Variants in GTF2H1 observed in about 807,000 individuals in gnomAD.
GTF2H1 encodes the protein BTF2 p62.
A neutral mutation model predicts 71.2 loss-of-function variants in GTF2H1; 16 were observed. That is an observed-to-expected ratio of 0.22 (90% CI 0.15 to 0.34). The LOEUF is 0.34. Ranked by LOEUF, GTF2H1 falls within the 10% of genes least tolerant of loss-of-function variation. The pLI is 1.00. For synonymous variants in GTF2H1, 215 were observed against 219.0 expected (o/e 0.98, Z 0.16); for missense variants, 498 against 648.2 (o/e 0.77, Z 2.52).
intron 3 of GTF2H1, among the ~76,000 whole-genome samples, chr11:18,336,757 ATT>A (rs10652759): frequency 1.4e-5 from 2 of 145,838 alleles, no homozygotes; most frequent in Admixed American, 6.8e-5. Context: ...AATAATGAGA[ATT>A]TTTTTTTTTT....
At chr11:18,325,784 C>T (rs1004109053) in intron 1 of GTF2H1, among the ~76,000 whole-genome samples, 4 of 152,174 alleles carry the variant, frequency 2.6e-5, no homozygotes, top group African/African-American at 9.6e-5. Flanking sequence ...ACATTTTTAA[C>T]TGCAAATAAA....
Position 18,352,244 on chromosome 11 carries a change from G to A in GTF2H1, c.1143-85G>A, listed in dbSNP as rs77613479. The A allele has an allele frequency of 2.9e-3, 2,059 of 709,588 alleles. 23 individuals are homozygous for A. In the African/African-American group the frequency reaches 0.033, roughly 11 times the overall value. 44.0% of individuals were successfully genotyped at this position (709,588 alleles called of 1,614,324 possible). On this transcript the variant is annotated intron_variant, in intron 10 of 14. Coordinates refer to ENST00000265963, the MANE Select transcript of GTF2H1 (RefSeq NM_005316.4). ...CGTTTCTTGCCTTGAGGGGAACTTA[G>A]TACTGACTGCTAAAATGTTGCAAAG...
intron 11 of GTF2H1, among the ~76,000 whole-genome samples, chr11:18,353,261 A>T (rs746695671): frequency 1.2e-4 from 18 of 152,224 alleles, no homozygotes; most frequent in Non-Finnish European, 2.6e-4. Context: ...TTTAAAAATA[A>T]AAACATGTAT....
rs371236238 is a variant in GTF2H1 at position 18,336,192 on chromosome 11, T to C, written c.347+246T>C. Among the ~76,000 whole-genome samples, 14 of 152,124 alleles carry C rather than the reference T, an allele frequency of 9.2e-5. No homozygotes were observed. In the South Asian group the frequency reaches 2.9e-3, roughly 32 times the overall value. ...CCTAGGCTGGAGTGCAGTGGCACAATCTTGGCTCGCTGCAACCTCCACCTC... is the reference window on the plus strand; with the variant it reads ...CCTAGGCTGGAGTGCAGTGGCACAACCTTGGCTCGCTGCAACCTCCACCTC... On this transcript the variant is annotated intron_variant, in intron 3 of 14. Coordinates refer to ENST00000265963, the MANE Select transcript of GTF2H1 (RefSeq NM_005316.4).
intron 1 of GTF2H1, chr11:18,325,850 GTAAA>G (rs1864751172): frequency 6.6e-6 from 1 of 152,154 alleles, no homozygotes. Context: ...CATTTCATAA[GTAAA>G]TAGTCTTTTA....
At position 18,352,313 on chromosome 11, in the gene GTF2H1, C is replaced by T; in HGVS notation, c.1143-16C>T. On this transcript the variant is annotated splice_polypyrimidine_tract_variant and intron_variant, in intron 10 of 14. Coordinates refer to ENST00000265963, the MANE Select transcript of GTF2H1 (RefSeq NM_005316.4). ...TACTGTGTGTGATTAGTAATTTCTTCTGTGCTAACCTGCAGGTATTATCAT... is the reference window on the plus strand; with the variant it reads ...TACTGTGTGTGATTAGTAATTTCTTTTGTGCTAACCTGCAGGTATTATCAT... 2 of 1,086,910 alleles carry T rather than the reference C, an allele frequency of 1.8e-6. No homozygotes were observed. The highest frequency in any genetic ancestry group is 1.3e-5 in the South Asian group (1 of 77,646). The allele number at this position is 1,086,910 out of a possible 1,614,324, so 67.3% of individuals were successfully genotyped here.
At chr11:18,332,195 C>T (rs998259577) in intron 1 of GTF2H1, among the ~76,000 whole-genome samples, 5 of 152,188 alleles carry the variant, frequency 3.3e-5, no homozygotes, top group African/African-American at 7.2e-5. Context: ...CCAGGGCAAA[C>T]GTAATTGTTA....
chr11:18,347,692 C>A lies in GTF2H1; in HGVS notation c.942C>A (p.Val314=), dbSNP rs776084696. 2 of 1,613,754 alleles carry A rather than the reference C, an allele frequency of 1.2e-6. No homozygotes were observed. Among genetic ancestry groups the A allele is most frequent in the Admixed American group, 3.3e-5 (2 of 59,944 alleles). ...GATTTAACCATCACAGTGCCATGGT[C>A]CTGGCAGCTGGACTCAGAAAACAGT... ...IKRFNHHSAM[V]LAAGLRKQEA... The change falls in exon 8 of 15, where the codon GTC becomes GTA. Residue 314 remains valine, a synonymous_variant. Transcript: ENST00000265963.
intron 13 of GTF2H1, among the ~76,000 whole-genome samples, 175 bp from the exon 14 acceptor site, chr11:18,360,440 A>G (rs1016124657): frequency 6.6e-6 from 1 of 152,134 alleles, no homozygotes; most frequent in East Asian, 1.9e-4. Flanking sequence ...TTTATGACTG[A>G]AAGATATTCA....
At chr11:18,326,883 A>C (rs552787158) in intron 1 of GTF2H1, among the ~76,000 whole-genome samples, 12 of 152,060 alleles carry the variant, frequency 7.9e-5, no homozygotes, top group Admixed American at 7.9e-4. Context: ...TATGTTTCCT[A>C]ATTTGTATGG....
chr11:18,354,927 G>GC (rs1388386753), intron 11 of GTF2H1, among the ~76,000 whole-genome samples: 1 of 151,632 alleles, frequency 6.6e-6, no homozygotes, highest in Non-Finnish European at 1.5e-5. Context: ...TCCCACCTCA[G>GC]CCCCCCAAGT....
In GTF2H1 at chr11:18,335,844, A is replaced by G. The variant is rs1865014013; in HGVS notation, c.245A>G (p.Glu82Gly). ...ACAACTAACTTCCATTTTTCCAATG[A>G]AAGCACAGCAGTGAAAGAGCGAGAT... is the stretch of plus-strand genomic sequence containing the variant. ...GDTTNFHFSN[E>G]STAVKERDAV... is the part of the protein sequence containing the mutation. Residue 82 changes from glutamate to glycine, a missense_variant, in exon 3 of 15, where the codon GAA becomes GGA. This residue lies in a region of GTF2H1 where 216 missense variants were observed against 306.2 expected (regional missense o/e 0.71). Transcript: ENST00000265963. 5 of 1,613,966 alleles carry G rather than the reference A, an allele frequency of 3.1e-6. No homozygotes were observed. In the African/African-American group the frequency reaches 5.3e-5, roughly 17 times the overall value.
intron 5 of GTF2H1, among the ~76,000 whole-genome samples, chr11:18,340,715 T>G (rs569663947): frequency 6.6e-6 from 1 of 152,350 alleles, no homozygotes; most frequent in Non-Finnish European, 1.5e-5. Flanking sequence ...GGTACTGTTA[T>G]GACCCTCATT....
intron 11 of GTF2H1, among the ~76,000 whole-genome samples, chr11:18,355,629 C>T (rs1288049082): frequency 5.3e-5 from 8 of 152,084 alleles, no homozygotes; most frequent in Admixed American, 4.6e-4. Context: ...CCTCAGCCCT[C>T]CAAGTAACTA....
chr11:18,343,154 T>A (rs534703057), intron 7 of GTF2H1, among the ~76,000 whole-genome samples: 19 of 152,316 alleles, frequency 1.2e-4, no homozygotes, highest in Non-Finnish European at 2.4e-4. Flanking sequence ...ACTCCTGACC[T>A]CAGGTGGTCC....
chr11:18,338,281 G>A lies in GTF2H1; in HGVS notation c.513+7G>A. The A allele has an allele frequency of 1.3e-6, 2 of 1,584,932 alleles. No homozygotes were observed. Among genetic ancestry groups the A allele is most frequent in the African/African-American group, 2.7e-5 (2 of 74,434 alleles). On this transcript the variant is annotated splice_region_variant and intron_variant, in intron 4 of 14. Coordinates refer to ENST00000265963, the MANE Select transcript of GTF2H1 (RefSeq NM_005316.4). ...CATTTCTGCTGCATTTCTGGTATGT[G>A]AGCCTTCTAGATTTCTGAAGAAAAT... is the stretch of plus-strand genomic sequence containing the variant.
intron 1 of GTF2H1, among the ~76,000 whole-genome samples, chr11:18,329,414 A>G (rs917154035): frequency 6.6e-6 from 1 of 152,222 alleles, no homozygotes; most frequent in African/African-American, 2.4e-5. Flanking sequence ...GAAATGGGGT[A>G]TGGGCAAGCA....
In GTF2H1 at chr11:18,322,704, T is replaced by G. The variant is rs1159944400; in HGVS notation, c.-52T>G. 1 of 150,690 alleles carries G rather than the reference T, an allele frequency of 6.6e-6. No homozygotes were observed. Among genetic ancestry groups the G allele is most frequent in the African/African-American group, 2.4e-5 (1 of 40,868 alleles). 9.3% of individuals were successfully genotyped at this position (150,690 alleles called of 1,614,324 possible). On this transcript the variant is annotated 5_prime_UTR_variant, in exon 1 of 15. Coordinates refer to ENST00000265963, the MANE Select transcript of GTF2H1 (RefSeq NM_005316.4). The stretch of plus-strand genomic sequence containing the variant: ...CGGAACTCGACCGGATCCAACCCAG[T>G]TAGTTACTTCCTGTCTAGAGTTGTA...
chr11:18,345,568 A>C lies in GTF2H1; in HGVS notation c.838-2020A>C, dbSNP rs574127446. Among the ~76,000 whole-genome samples, 302 of 145,308 alleles carry C rather than the reference A, an allele frequency of 2.1e-3. 6 individuals are homozygous for C. The highest frequency in any genetic ancestry group is 3.1e-4 in the Non-Finnish European group (21 of 67,222). ...GGCTGGAGTTCAGTGGCGTGATCTC[A>C]GCTCACTGCAATCTCTGCCTCCCGA... On this transcript the variant is annotated intron_variant, in intron 7 of 14. Transcript: ENST00000265963.
Sources: gnomAD v4.1 joint callset for allele counts (sites outside exome capture counted in the v4.1 genomes callset) on GRCh38, gnomAD v4.1.1 for gene constraint, gnomAD v4.1.1 regional missense constraint, MANE v1.5 for transcripts, NCBI Gene and HGNC (gene_info 2026-07-23, HGNC 2026-07-21) for gene names.